UNC5D: variants seen among roughly 807,000 people sequenced by gnomAD.
The protein encoded by UNC5D is unc-5 netrin receptor D, also known as netrin receptor UNC5D.
A neutral mutation model predicts 105.4 loss-of-function variants in UNC5D; 39 were observed. The ratio of observed to expected loss-of-function variants is 0.37; its 90% CI spans 0.29 to 0.48. The LOEUF (loss-of-function observed/expected upper bound fraction) is 0.48. Ranked by LOEUF, UNC5D falls within the 20% of genes least tolerant of loss-of-function variation. UNC5D has a pLI of 0.98. For missense variants in UNC5D, 991 were observed against 1,202.4 expected (o/e 0.82, Z 2.60); for synonymous variants, 452 against 450.4 (o/e 1.00, Z -0.04).
intron 7 of UNC5D, among the ~76,000 whole-genome samples, chr8:35,704,188 T>TA (rs532457744): frequency 0.011 from 1,688 of 152,282 alleles, 11 homozygotes; most frequent in Non-Finnish European, 0.017. Flanking sequence ...CTTTCTATTT[T>TA]AAAAAAATAG....
At chr8:35,386,105 T>A (rs1385278479) in intron 1 of UNC5D, among the ~76,000 whole-genome samples, 1 of 152,220 alleles carries the variant, frequency 6.6e-6, no homozygotes, top group African/African-American at 2.4e-5. Flanking sequence ...TCATGCTTAA[T>A]TTAATCTTTT....
intron 1 of UNC5D, among the ~76,000 whole-genome samples, chr8:35,258,961 G>T (rs892802106): frequency 2.0e-5 from 3 of 152,188 alleles, no homozygotes; most frequent in African/African-American, 7.2e-5. Context: ...GCAGCACCAA[G>T]AAGACCAAAG....
At chr8:35,671,027 T>C (rs918032999) in intron 4 of UNC5D, among the ~76,000 whole-genome samples, 4 of 152,128 alleles carry the variant, frequency 2.6e-5, no homozygotes, top group African/African-American at 9.7e-5. Flanking sequence ...CTAATACATA[T>C]TGGACCATCA....
intron 15 of UNC5D, among the ~76,000 whole-genome samples, chr8:35,769,488 C>G (rs1001183495): frequency 1.3e-5 from 2 of 152,102 alleles, no homozygotes; most frequent in African/African-American, 4.8e-5. Context: ...TTCAAAAGAA[C>G]AAAGGATGGG....
chr8:35,431,417 A>T (rs1243803778), intron 1 of UNC5D, among the ~76,000 whole-genome samples: 3 of 152,172 alleles, frequency 2.0e-5, no homozygotes, highest in Non-Finnish European at 4.4e-5. Context: ...AGAAATTAGG[A>T]ATATAACAGA....
chr8:35,409,903 A>C lies in UNC5D; in HGVS notation c.104-139389A>C, dbSNP rs189496655. ...GTCCATTTTGAGTCAGTTTTGTATA[A>C]ATTATGATTTAAGAATCTTAGCTCT... On this transcript the variant is annotated intron_variant, in intron 1 of 16. Transcript: ENST00000404895. Among the ~76,000 whole-genome samples, 707 of 150,014 alleles carry C rather than the reference A, an allele frequency of 4.7e-3. 6 individuals are homozygous for C. The highest frequency in any genetic ancestry group is 0.017 in the African/African-American group (685 of 40,724).
In UNC5D at chr8:35,722,412, C is replaced by T. The variant is rs1310259953; in HGVS notation, c.1303+17C>T. 6.2e-7 allele frequency: 1 copy of T among 1,609,010 alleles called. No homozygotes were observed. Among genetic ancestry groups the T allele is most frequent in the Admixed American group, 1.7e-5 (1 of 59,740 alleles). On this transcript the variant is annotated intron_variant, in intron 9 of 16. Transcript: ENST00000404895. ...TCCGTCAAGGTCAGCGGCATAGGTC[C>T]CTCCACACCTCGTCCTCAGTGCCAT...
chr8:35,544,566 G>A, intron 1 of UNC5D: 1 of 1,325,578 alleles, frequency 7.5e-7, no homozygotes, highest in South Asian at 1.2e-5. Context: ...AAAAAGGACA[G>A]TACCAACCAC....
At chr8:35,663,117 G>A (rs1824213345) in intron 4 of UNC5D, among the ~76,000 whole-genome samples, 1 of 152,116 alleles carries the variant, frequency 6.6e-6, no homozygotes, top group Admixed American at 6.5e-5. Context: ...GTTGAGGACC[G>A]CTGCTTTAGA....
At chr8:35,507,018 GT>G (rs1477252307) in intron 1 of UNC5D, among the ~76,000 whole-genome samples, 1 of 139,942 alleles carries the variant, frequency 7.1e-6, no homozygotes, top group Non-Finnish European at 1.6e-5. Context: ...TTAGAGGTAA[GT>G]TCTTTTTGCA....
At chr8:35,439,055 T>C (rs1807223951) in intron 1 of UNC5D, among the ~76,000 whole-genome samples, 1 of 151,948 alleles carries the variant, frequency 6.6e-6, no homozygotes, top group African/African-American at 2.4e-5. Context: ...AAGCTGAGTG[T>C]GACCTTGGGC....
chr8:35,323,185 TTTC>T (rs1245109360), intron 1 of UNC5D, among the ~76,000 whole-genome samples: 2 of 126,546 alleles, frequency 1.6e-5, no homozygotes, highest in Non-Finnish European at 3.6e-5. Context: ...AATTTTTCTT[TTTC>T]TTTTTTTTTT....
chr8:35,544,396 A>G, intron 1 of UNC5D: 1 of 1,607,664 alleles, frequency 6.2e-7, no homozygotes, highest in African/African-American at 1.3e-5. Context: ...GTAGCGTTAA[A>G]TAAGTAGGGA....
intron 1 of UNC5D, among the ~76,000 whole-genome samples, chr8:35,272,471 G>A (rs1484688147): frequency 6.6e-6 from 1 of 152,086 alleles, no homozygotes; most frequent in Non-Finnish European, 1.5e-5. Context: ...GATTCCACGG[G>A]GAGCTCTGGA....
chr8:35,755,712 C>A (rs1362977946), intron 13 of UNC5D, among the ~76,000 whole-genome samples: 1 of 152,154 alleles, frequency 6.6e-6, no homozygotes, highest in Non-Finnish European at 1.5e-5. Flanking sequence ...GAAAAACCAC[C>A]ATCCAGAGCC....
chr8:35,437,042 G>A (rs533158582), intron 1 of UNC5D, among the ~76,000 whole-genome samples: 1 of 151,060 alleles, frequency 6.6e-6, no homozygotes, highest in African/African-American at 2.4e-5. Flanking sequence ...CACCATGTTT[G>A]TTGCCCCGGC....
At chr8:35,383,814 C>T (rs1054241914) in intron 1 of UNC5D, among the ~76,000 whole-genome samples, 1 of 152,156 alleles carries the variant, frequency 6.6e-6, no homozygotes, top group African/African-American at 2.4e-5. Context: ...TGTGGAGACT[C>T]ACACCTGTAA....
Position 35,701,372 on chromosome 8 carries a change from C to A in UNC5D, c.1085-4557C>A, listed in dbSNP as rs990922051. ...TATGGTTGGAGATGAACCCTTCTGT[C>A]CACATGTGCCATCTTCCCCCAGGGC... On this transcript the variant is annotated intron_variant, in intron 7 of 16. Coordinates refer to ENST00000404895, the MANE Select transcript of UNC5D (RefSeq NM_080872.4). Among the ~76,000 whole-genome samples, 17 of 152,298 alleles carry A rather than the reference C, an allele frequency of 1.1e-4. 1 individual carries two copies. The highest frequency in any genetic ancestry group is 4.1e-4 in the African/African-American group (17 of 41,562).
intron 1 of UNC5D, among the ~76,000 whole-genome samples, chr8:35,494,376 T>C (rs1335747402): frequency 6.6e-6 from 1 of 152,168 alleles, no homozygotes; most frequent in Non-Finnish European, 1.5e-5. Flanking sequence ...TATTTACATA[T>C]TAGGATTATT....
Sources: allele counts gnomAD v4.1 joint callset (sites outside exome capture counted in the v4.1 genomes callset), GRCh38; gene constraint gnomAD v4.1.1; transcripts MANE v1.5; gene names NCBI Gene and HGNC (gene_info 2026-07-23, HGNC 2026-07-21).